Variants in ROBO2 observed in about 807,000 individuals in gnomAD.
ROBO2 encodes the protein roundabout homolog 2.
Under a neutral mutation model 160.8 loss-of-function variants are expected in ROBO2, and 53 were observed. The observed-to-expected ratio is 0.33, with a 90% CI of 0.26 to 0.41. ROBO2 has a LOEUF of 0.41. Among genes scored for constraint, ROBO2 ranks in the 10% least tolerant of loss-of-function variants. ROBO2 has a pLI of 1.00. For missense variants in ROBO2, 1,577 were observed against 1,722.4 expected, an observed-to-expected ratio of 0.92 and a Z score of 1.49; for synonymous variants, 664 against 611.7, an observed-to-expected ratio of 1.09 and a Z score of -1.26.
chr3:77,607,992 T>C, intron 21 of ROBO2, 38 bp downstream of exon 22: 1 of 1,600,846 alleles, frequency 6.2e-7, no homozygotes, highest in Non-Finnish European at 8.6e-7. Flanking sequence ...TGGCCAGGGC[T>C]CTCCTCTCCT....
intron 2 of ROBO2, among the ~76,000 whole-genome samples, chr3:76,607,584 A>G (rs2087759630): frequency 6.6e-6 from 1 of 152,236 alleles, no homozygotes; most frequent in Non-Finnish European, 1.5e-5. Context: ...TGCTTCAAAG[A>G]AGGCACAACT....
intron 2 of ROBO2, among the ~76,000 whole-genome samples, chr3:77,343,209 A>G (rs1581201442): frequency 6.6e-6 from 1 of 152,274 alleles, no homozygotes; most frequent in Admixed American, 6.5e-5. Context: ...TAACATATAA[A>G]TTTTGAGAGA....
intron 2 of ROBO2, among the ~76,000 whole-genome samples, chr3:76,106,810 C>A (rs894577683): frequency 4.6e-5 from 7 of 152,004 alleles, no homozygotes; most frequent in Admixed American, 1.3e-4. Context: ...AATACCACAG[C>A]CCTTTTCTGT....
chr3:76,447,299 C>G (rs2077236205), intron 2 of ROBO2, among the ~76,000 whole-genome samples: 1 of 152,180 alleles, frequency 6.6e-6, no homozygotes, highest in African/African-American at 2.4e-5. Flanking sequence ...AAATGCTCAT[C>G]ATCTCTGGCC....
chr3:77,027,832 C>A (rs1281310312), intron 2 of ROBO2, among the ~76,000 whole-genome samples: 1 of 152,076 alleles, frequency 6.6e-6, no homozygotes. Context: ...CTGGAAAGTT[C>A]TGTAGTGTGA....
intron 2 of ROBO2, among the ~76,000 whole-genome samples, chr3:76,777,241 C>T (rs540361398): frequency 6.6e-6 from 1 of 151,224 alleles, no homozygotes; most frequent in Non-Finnish European, 1.5e-5. Context: ...TAACAAAAGA[C>T]ATGGGTTGAT....
chr3:77,191,183 A>G (rs949972166), intron 2 of ROBO2, among the ~76,000 whole-genome samples: 7 of 152,146 alleles, frequency 4.6e-5, no homozygotes, highest in Admixed American at 3.3e-4. Flanking sequence ...TACATGTATT[A>G]ATGACTTACT....
chr3:76,070,004 T>G (rs1450578369), intron 2 of ROBO2, among the ~76,000 whole-genome samples: 2 of 152,210 alleles, frequency 1.3e-5, no homozygotes, highest in African/African-American at 2.4e-5. Flanking sequence ...CCTATGCCTG[T>G]CTTTACTTTA....
intron 2 of ROBO2, among the ~76,000 whole-genome samples, chr3:76,764,425 A>G (rs2108419582): frequency 6.6e-6 from 1 of 151,814 alleles, no homozygotes; most frequent in Admixed American, 6.6e-5. Context: ...TTGTTTGAAA[A>G]TATTTGCACA....
At chr3:76,680,997 G>A (rs7642822) in intron 2 of ROBO2, among the ~76,000 whole-genome samples, 78,503 of 151,642 alleles carry the variant, frequency 0.52, 20,776 homozygotes, top group East Asian at 0.76. Context: ...GGCTGGTCTC[G>A]AACTCCTGAC....
chr3:77,353,468 G>A (rs79194409), intron 2 of ROBO2, among the ~76,000 whole-genome samples: 2,711 of 152,198 alleles, frequency 0.018, 102 homozygotes, highest in South Asian at 0.11. Flanking sequence ...AACGTACTTG[G>A]TATCTAATTA....
intron 23 of ROBO2, among the ~76,000 whole-genome samples, chr3:77,626,364 A>T (rs2095026573): frequency 6.6e-6 from 1 of 152,178 alleles, no homozygotes; most frequent in Admixed American, 6.5e-5. Context: ...CTGTATCAGC[A>T]CTTTTTGCAA....
chr3:77,054,696 T>C (rs529678262), intron 1 of ROBO2, among the ~76,000 whole-genome samples: 1 of 152,242 alleles, frequency 6.6e-6, no homozygotes, highest in East Asian at 1.9e-4. Context: ...AGAAATAGAA[T>C]GGAGCCAGCA....
chr3:77,026,492 A>C (rs980408590), intron 2 of ROBO2, among the ~76,000 whole-genome samples: 1 of 152,164 alleles, frequency 6.6e-6, no homozygotes, highest in Non-Finnish European at 1.5e-5. Flanking sequence ...CAAAATCATC[A>C]CCATTTCTTA....
intron 2 of ROBO2, among the ~76,000 whole-genome samples, chr3:76,734,142 C>CG: frequency 6.6e-6 from 1 of 151,942 alleles, no homozygotes; most frequent in Non-Finnish European, 1.5e-5. Flanking sequence ...AACATGGGGG[C>CG]GGGGGACAAA....
intron 13 of ROBO2, among the ~76,000 whole-genome samples, chr3:77,573,120 T>TA (rs1411890322): frequency 3.3e-5 from 5 of 152,040 alleles, no homozygotes; most frequent in African/African-American, 1.2e-4. Context: ...TAAGCCTTGT[T>TA]AGACTATAGC....
chr3:76,704,741 G>A (rs965395361), intron 2 of ROBO2, among the ~76,000 whole-genome samples: 2 of 152,160 alleles, frequency 1.3e-5, no homozygotes, highest in East Asian at 3.9e-4. Context: ...CAGTTACACT[G>A]GGTATACACA....
At chr3:77,223,041 T>C (rs188893406) in intron 2 of ROBO2, among the ~76,000 whole-genome samples, 5 of 152,314 alleles carry the variant, frequency 3.3e-5, no homozygotes, top group Admixed American at 2.6e-4. Context: ...TCAAGATCAC[T>C]GAGGTGTACA....
At chr3:77,407,680 C>T (rs1029747120) in intron 2 of ROBO2, among the ~76,000 whole-genome samples, 12 of 152,202 alleles carry the variant, frequency 7.9e-5, no homozygotes, top group Admixed American at 1.3e-4. Flanking sequence ...CTCCTGCTGG[C>T]TTGTTGCCTC....
Sources: gnomAD v4.1 joint callset for allele counts (sites outside exome capture counted in the v4.1 genomes callset) on GRCh38, gnomAD v4.1.1 for gene constraint, MANE v1.5 for transcripts, NCBI Gene and HGNC (gene_info 2026-07-23, HGNC 2026-07-21) for gene names.